CUL4A: variants seen among roughly 807,000 people sequenced by gnomAD.
CUL4A encodes the protein cullin 4A.
A neutral mutation model predicts 95.5 loss-of-function variants in CUL4A; 16 were observed. The ratio of observed to expected loss-of-function variants is 0.17; its 90% CI spans 0.11 to 0.25. The LOEUF (loss-of-function observed/expected upper bound fraction) is 0.25. Ranked by LOEUF, CUL4A falls within the 10% of genes least tolerant of loss-of-function variation. CUL4A has a pLI of 1.00. For missense variants in CUL4A, 610 were observed against 937.0 expected (o/e 0.65, Z 4.56); for synonymous variants, 380 against 353.1 (o/e 1.08, Z -0.85).
chr13:113,217,386 G>A (rs1429907380), intron 2 of CUL4A, among the ~76,000 whole-genome samples: 2 of 152,084 alleles, frequency 1.3e-5, no homozygotes, highest in Non-Finnish European at 2.9e-5. Flanking sequence ...TAGGAATTCC[G>A]TTTCTATAGT....
chr13:113,251,670 T>G (rs569215862), intron 15 of CUL4A, among the ~76,000 whole-genome samples: 1 of 152,140 alleles, frequency 6.6e-6, no homozygotes, highest in Non-Finnish European at 1.5e-5. Flanking sequence ...TCTTCCCTGC[T>G]CCCGTCATGT....
chr13:113,219,083 TTATC>T (rs753342614), intron 3 of CUL4A, 35 bp downstream of exon 3: 6 of 1,347,398 alleles, frequency 4.5e-6, no homozygotes, highest in Non-Finnish European at 5.2e-6. Flanking sequence ...TTTCTATTCA[TTATC>T]TAAGTCTTTT....
At chr13:113,210,326 G>T (rs943203893) in intron 2 of CUL4A, among the ~76,000 whole-genome samples, 1 of 152,244 alleles carries the variant, frequency 6.6e-6, no homozygotes, top group Non-Finnish European at 1.5e-5. Flanking sequence ...TCCCATTACG[G>T]AAGAGAAGGA....
chr13:113,235,620 A>C (rs984532011), intron 8 of CUL4A, among the ~76,000 whole-genome samples: 44 of 152,256 alleles, frequency 2.9e-4, no homozygotes, highest in African/African-American at 9.1e-4. Context: ...CAGTGTGTCC[A>C]TATGATGGGA....
chr13:113,212,022 G>A (rs774085593), intron 2 of CUL4A, among the ~76,000 whole-genome samples: 6 of 152,204 alleles, frequency 3.9e-5, no homozygotes, highest in African/African-American at 7.2e-5. Context: ...GTGGGTGTGT[G>A]GTGGAGTGTC....
chr13:113,237,505 A>T (rs2041584865), intron 9 of CUL4A, among the ~76,000 whole-genome samples: 1 of 152,200 alleles, frequency 6.6e-6, no homozygotes, highest in African/African-American at 2.4e-5. Flanking sequence ...TTTAAAATTG[A>T]TGCTGATGTC....
intron 5 of CUL4A, 174 bp from the exon 6 acceptor site, chr13:113,233,003 C>T (rs769125003): frequency 1.1e-5 from 7 of 631,948 alleles, no homozygotes; most frequent in South Asian, 2.2e-5. Context: ...AAATACAAGG[C>T]GCGCTAGACT....
chr13:113,229,546 C>T (rs375828970), intron 5 of CUL4A, 27 bp downstream of exon 5: 21 of 1,587,126 alleles, frequency 1.3e-5, no homozygotes, highest in Non-Finnish European at 1.6e-5. Context: ...CGCAGAGCTG[C>T]GTCTTCCCTG....
intron 3 of CUL4A, among the ~76,000 whole-genome samples, chr13:113,223,470 ACCGCAACAACCT>A (rs2040979040): frequency 6.6e-6 from 1 of 152,166 alleles, no homozygotes; most frequent in Non-Finnish European, 1.5e-5. Context: ...ATCTTGGCTC[ACCGCAACAACCT>A]CCACTCCTGG....
chr13:113,221,777 C>A (rs1179074406), intron 3 of CUL4A, among the ~76,000 whole-genome samples: 1 of 152,128 alleles, frequency 6.6e-6, no homozygotes, highest in Non-Finnish European at 1.5e-5. Context: ...GGGGTTTCAC[C>A]ACATTGGCCA....
intron 3 of CUL4A, among the ~76,000 whole-genome samples, chr13:113,225,559 G>T (rs2041070676): frequency 6.6e-6 from 1 of 152,254 alleles, no homozygotes; most frequent in Admixed American, 6.5e-5. Flanking sequence ...CAACACCTGA[G>T]CTGCCCAGTG....
intron 19 of CUL4A, among the ~76,000 whole-genome samples, chr13:113,260,986 C>T (rs780204454): frequency 9.2e-5 from 14 of 152,084 alleles, no homozygotes; most frequent in East Asian, 1.9e-4. Flanking sequence ...AGGGATGGTG[C>T]GCGCTTGTTC....
rs574737809 is a variant in CUL4A, at chr13:113,239,173, A to C, written c.917-260A>C. ...ACTGGATTTTCTGACTTGCTAACTT[A>C]AGTGAAATAAGAGGGCTTCAATGAC... On this transcript the variant is annotated intron_variant, in intron 9 of 19. Coordinates refer to ENST00000375440, the MANE Select transcript of CUL4A (RefSeq NM_001008895.4). 8.5e-5 allele frequency among the ~76,000 whole-genome samples: 13 copies of C among 152,336 alleles called. No individual in the cohort carries two copies. The East Asian group carries it at 2.5e-3, about 29-fold the overall frequency.
At chr13:113,257,561 C>T (rs1268212934) in intron 18 of CUL4A, among the ~76,000 whole-genome samples, 2 of 152,104 alleles carry the variant, frequency 1.3e-5, no homozygotes, top group African/African-American at 4.8e-5. Context: ...TGAGCAAGAA[C>T]AGGGAGGGAG....
At chr13:113,259,186 T>C (rs1475395591) in intron 18 of CUL4A, among the ~76,000 whole-genome samples, 2 of 152,246 alleles carry the variant, frequency 1.3e-5, no homozygotes, top group Non-Finnish European at 2.9e-5. Flanking sequence ...CTGCACCTTT[T>C]CAATATACCT....
intron 3 of CUL4A, among the ~76,000 whole-genome samples, chr13:113,221,964 G>A (rs755690106): frequency 4.6e-5 from 7 of 152,218 alleles, no homozygotes; most frequent in Non-Finnish European, 8.8e-5. Context: ...CATTGCAGGG[G>A]CGAAGCGATG....
chr13:113,229,345 G>A, intron 4 of CUL4A, 101 bp from the exon 5 acceptor site: 1 of 916,700 alleles, frequency 1.1e-6, no homozygotes, highest in Non-Finnish European at 1.7e-6. Flanking sequence ...ACAGGAAACA[G>A]CTGTTGGATT....
At chr13:113,238,285 T>C (rs1278710670) in intron 9 of CUL4A, among the ~76,000 whole-genome samples, 1 of 151,806 alleles carries the variant, frequency 6.6e-6, no homozygotes, top group Non-Finnish European at 1.5e-5. Context: ...ACCAAAAAAA[T>C]AAAAATAAAA....
At chr13:113,229,825 T>C (rs2041244511) in intron 5 of CUL4A, 1 of 466,534 alleles carries the variant, frequency 2.1e-6, no homozygotes, top group Non-Finnish European at 3.7e-6. Flanking sequence ...AGCGGCTCTT[T>C]CCAGCGCTGC....
Sources: allele counts gnomAD v4.1 joint callset (sites outside exome capture counted in the v4.1 genomes callset), GRCh38; gene constraint gnomAD v4.1.1; transcripts MANE v1.5; gene names NCBI Gene and HGNC (gene_info 2026-07-23, HGNC 2026-07-21).